LRMDA: variants seen among roughly 807,000 people sequenced by gnomAD.
LRMDA encodes leucine rich melanocyte differentiation associated.
LRMDA carries 18 observed loss-of-function variants against 29.8 expected under a neutral mutation model. The observed-to-expected ratio is 0.60, with a 90% CI of 0.42 to 0.90. LRMDA has a LOEUF of 0.90. LRMDA is among the 40% of genes least tolerant of loss of function. LRMDA has a pLI of 0.00. For synonymous variants in LRMDA, 125 were observed against 109.4 expected (o/e 1.14, Z -0.89); for missense variants, 273 against 273.9 (o/e 1.00, Z 0.02).
chr10:75,630,058 G>A (rs1181122296), intron 2 of LRMDA, among the ~76,000 whole-genome samples: 1 of 152,166 alleles, frequency 6.6e-6, no homozygotes, highest in African/African-American at 2.4e-5. Flanking sequence ...AGCTTTAGGA[G>A]CCTTTTAAAC....
At chr10:75,538,966 G>A (rs1192160888) in intron 2 of LRMDA, among the ~76,000 whole-genome samples, 1 of 152,196 alleles carries the variant, frequency 6.6e-6, no homozygotes, top group Non-Finnish European at 1.5e-5. Context: ...TCAGCAGGGT[G>A]CCATCCCTAT....
At chr10:75,952,302 C>T (rs1431334062) in intron 2 of LRMDA, among the ~76,000 whole-genome samples, 7 of 152,222 alleles carry the variant, frequency 4.6e-5, no homozygotes, top group Non-Finnish European at 1.5e-5. Context: ...ATTGGCAGTA[C>T]AGTTAAGTTG....
intron 2 of LRMDA, among the ~76,000 whole-genome samples, chr10:75,599,121 C>T (rs867339894): frequency 6.6e-6 from 1 of 151,022 alleles, no homozygotes; most frequent in Non-Finnish European, 1.5e-5. Flanking sequence ...CTAAGATTTC[C>T]ATCTAGCCAT....
At chr10:75,608,148 C>CA (rs1840983250) in intron 2 of LRMDA, among the ~76,000 whole-genome samples, 1 of 70,940 alleles carries the variant, frequency 1.4e-5, no homozygotes, top group South Asian at 5.6e-4. Context: ...ATACACAAAG[C>CA]AATATTATTC....
chr10:76,323,844 A>G (rs1410454446), intron 5 of LRMDA, among the ~76,000 whole-genome samples: 1 of 152,230 alleles, frequency 6.6e-6, no homozygotes, highest in Non-Finnish European at 1.5e-5. Context: ...CAAATTTCAG[A>G]CGTATTTCTC....
chr10:76,153,330 A>G (rs774612699), intron 5 of LRMDA, among the ~76,000 whole-genome samples: 1 of 152,158 alleles, frequency 6.6e-6, no homozygotes, highest in Non-Finnish European at 1.5e-5. Context: ...ATGAAATTCA[A>G]TGTATTTATT....
chr10:75,804,004 G>A (rs1198044498), intron 2 of LRMDA, among the ~76,000 whole-genome samples: 5 of 152,174 alleles, frequency 3.3e-5, no homozygotes, highest in East Asian at 3.9e-4. Context: ...ATGTCCCAGC[G>A]CTGTTGTACA....
chr10:76,342,040 G>C (rs1012709963), intron 6 of LRMDA, among the ~76,000 whole-genome samples: 2 of 152,136 alleles, frequency 1.3e-5, no homozygotes, highest in Non-Finnish European at 2.9e-5. Flanking sequence ...CAGAAGTATT[G>C]CTCTGACTGA....
chr10:76,377,805 G>T (rs1387390768), intron 6 of LRMDA, among the ~76,000 whole-genome samples: 1 of 152,178 alleles, frequency 6.6e-6, no homozygotes, highest in African/African-American at 2.4e-5. Context: ...TTGAAGTCAG[G>T]TAATGTGATG....
Position 76,243,352 on chromosome 10 carries a change from A to AACAAATACTATT in LRMDA, c.517-81045_517-81034dup, listed in dbSNP as rs369561367. On this transcript the variant is annotated intron_variant, in intron 5 of 6. Coordinates refer to ENST00000611255, the MANE Select transcript of LRMDA (RefSeq NM_001305581.2). ...TTGATATAATTAGATGGGGCTTGGT[A>AACAAATACTATT]ACAAATACTATTACATTATGTCTGA... is the stretch of plus-strand genomic sequence containing the variant. Among the ~76,000 whole-genome samples, 331 of 152,290 alleles carry AACAAATACTATT rather than the reference A, an allele frequency of 2.2e-3. 2 individuals are homozygous for AACAAATACTATT. Among genetic ancestry groups the AACAAATACTATT allele is most frequent in the African/African-American group, 7.2e-3 (301 of 41,558 alleles).
intron 5 of LRMDA, among the ~76,000 whole-genome samples, chr10:76,137,740 A>G (rs1209586978): frequency 6.6e-6 from 1 of 151,518 alleles, no homozygotes; most frequent in Admixed American, 6.6e-5. Context: ...TTATTTTAAA[A>G]CTACTATTTT....
At chr10:75,996,254 G>C (rs573640477) in intron 2 of LRMDA, among the ~76,000 whole-genome samples, 1 of 152,302 alleles carries the variant, frequency 6.6e-6, no homozygotes, top group South Asian at 2.1e-4. Context: ...GCATCCCTGG[G>C]ACTCACTCTG....
At chr10:76,296,479 A>T (rs1163793402) in intron 5 of LRMDA, among the ~76,000 whole-genome samples, 1 of 152,116 alleles carries the variant, frequency 6.6e-6, no homozygotes, top group Admixed American at 6.5e-5. Flanking sequence ...CCTTCACCAA[A>T]CCCAACTATT....
At chr10:75,731,930 A>G (rs760473414) in intron 2 of LRMDA, among the ~76,000 whole-genome samples, 1 of 152,202 alleles carries the variant, frequency 6.6e-6, no homozygotes, top group African/African-American at 2.4e-5. Context: ...AACAGGGATC[A>G]TTTTGCCAAG....
At chr10:75,747,187 AT>A (rs1842899955) in intron 2 of LRMDA, among the ~76,000 whole-genome samples, 1 of 152,086 alleles carries the variant, frequency 6.6e-6, no homozygotes. Flanking sequence ...ATGTAATTTA[AT>A]TTTTCGTATC....
intron 6 of LRMDA, among the ~76,000 whole-genome samples, chr10:76,375,784 T>G (rs1027466512): frequency 6.6e-6 from 1 of 150,728 alleles, no homozygotes; most frequent in Admixed American, 6.7e-5. Context: ...ACCAATACAG[T>G]GTAAAGTGGG....
At chr10:76,365,071 T>TACACAC (rs1554816010) in intron 6 of LRMDA, among the ~76,000 whole-genome samples, 2,222 of 91,480 alleles carry the variant, frequency 0.024, 120 homozygotes, top group African/African-American at 0.089. Context: ...CGTATATATA[T>TACACAC]ACACACACAC....
At chr10:75,902,734 A>G (rs1430336410) in intron 2 of LRMDA, among the ~76,000 whole-genome samples, 1 of 151,972 alleles carries the variant, frequency 6.6e-6, no homozygotes, top group East Asian at 1.9e-4. Flanking sequence ...TCTGCCTTGT[A>G]TTCTGTCCTC....
At chr10:75,811,271 G>T (rs550089850) in intron 2 of LRMDA, among the ~76,000 whole-genome samples, 153 of 152,202 alleles carry the variant, frequency 1.0e-3, no homozygotes, top group Non-Finnish European at 1.8e-3. Flanking sequence ...TCCTTCATGG[G>T]CAAGCTCCAC....
Sources: allele counts gnomAD v4.1 joint callset (sites outside exome capture counted in the v4.1 genomes callset), GRCh38; gene constraint gnomAD v4.1.1; transcripts MANE v1.5; gene names NCBI Gene and HGNC (gene_info 2026-07-23, HGNC 2026-07-21).